Variants in AKAP9 observed in about 807,000 individuals in gnomAD.
AKAP9 encodes A-kinase anchor protein 9.
Under a neutral mutation model 488.5 loss-of-function variants are expected in AKAP9, and 311 were observed. The ratio of observed to expected loss-of-function variants is 0.64; its 90% confidence interval spans 0.58 to 0.70. The LOEUF is 0.70. Ranked by LOEUF, AKAP9 falls within the 30% of genes least tolerant of loss-of-function variation. The pLI is 0.00. For missense variants in AKAP9, 4,215 were observed against 4,374.5 expected, an observed-to-expected ratio of 0.96 and a Z score of 1.03; for synonymous variants, 1,462 against 1,483.5, an observed-to-expected ratio of 0.99 and a Z score of 0.33.
intron 12 of AKAP9, among the ~76,000 whole-genome samples, chr7:92,019,937 C>T (rs1423396394): frequency 1.3e-5 from 2 of 151,812 alleles, no homozygotes; most frequent in African/African-American, 4.8e-5. Flanking sequence ...TTGCTTGAAC[C>T]CAGAAGGTGG....
At chr7:92,059,542 T>C (rs1283262979) in intron 22 of AKAP9, among the ~76,000 whole-genome samples, 2 of 151,858 alleles carry the variant, frequency 1.3e-5, no homozygotes, top group Admixed American at 6.6e-5. Flanking sequence ...AAGTAGAACA[T>C]AGAAGCAAAG....
chr7:92,039,786 C>T (rs1389466794), intron 17 of AKAP9, among the ~76,000 whole-genome samples: 1 of 152,014 alleles, frequency 6.6e-6, no homozygotes, highest in African/African-American at 2.4e-5. Context: ...ACCAGCTTAG[C>T]CAACATGGTA....
At position 92,079,965 on chromosome 7, in the gene AKAP9, T is replaced by G; in HGVS notation, c.7832T>G (p.Leu2611Ter). The change falls in exon 31 of 50, where the codon TTA (leucine) becomes TGA (stop). Residue 2611 changes from leucine (L) to a stop codon, truncating the protein, a stop_gained. Transcript: ENST00000356239. LOFTEE classifies it high-confidence loss of function. ...GCATTAACCTTGAGAATATCAGAAT[T>G]AGAAAGCCAGGTTGTTGAAATGCAT... ...ISALTLRISE[L>*]ESQVVEMHTS... The G allele has an allele frequency of 6.3e-7, 1 of 1,586,974 alleles. No individual in the cohort carries two copies. The highest frequency in any genetic ancestry group is 8.5e-7 in the Non-Finnish European group (1 of 1,170,518).
chr7:91,957,974 A>G (rs552482755), intron 1 of AKAP9, among the ~76,000 whole-genome samples: 2 of 152,186 alleles, frequency 1.3e-5, no homozygotes, highest in South Asian at 2.1e-4. Context: ...ATATGCAGAG[A>G]TTATGATCCC....
intron 6 of AKAP9, among the ~76,000 whole-genome samples, chr7:91,995,276 C>A (rs573241332): frequency 2.5e-4 from 38 of 152,162 alleles, no homozygotes; most frequent in Non-Finnish European, 4.9e-4. Flanking sequence ...AACCCAAGGG[C>A]AGAAATACAA....
intron 1 of AKAP9, among the ~76,000 whole-genome samples, chr7:91,963,587 G>A (rs540544443): frequency 5.4e-4 from 81 of 150,836 alleles, no homozygotes; most frequent in Non-Finnish European, 1.0e-3. Context: ...GCATGATCTC[G>A]GCTCACTGCA....
At chr7:91,944,137 G>C (rs1791127906) in intron 1 of AKAP9, among the ~76,000 whole-genome samples, 1 of 151,988 alleles carries the variant, frequency 6.6e-6, no homozygotes, top group South Asian at 2.1e-4. Flanking sequence ...ATTATGATAT[G>C]TAAAATAATT....
rs184132850 is a variant in AKAP9, at chr7:92,084,701, G to A, written c.8708G>A (p.Ser2903Asn). The A allele has an allele frequency of 2.5e-6, 4 of 1,610,116 alleles. No homozygotes were observed. The African/African-American group carries it at 5.3e-5, about 22-fold the overall frequency. Residue 2903 changes from serine to asparagine, a missense_variant and splice_region_variant, in exon 34 of 50, where the codon AGT becomes AAT. By Grantham distance (46) the Ser-to-Asn change is conservative. Around this residue, in one of 5 missense-constraint regions of AKAP9, gnomAD observed 1,476 missense variants for 1,477.4 expected, o/e 1.00. Coordinates refer to ENST00000356239, the MANE Select transcript of AKAP9 (RefSeq NM_005751.5). The stretch of plus-strand genomic sequence containing the variant: ...TACCAGACTAGAGAAATATGCTCCA[G>A]TGGTAAGTTATATAAATATTTGTAA... ...DAYQTREICS[S>N]DSGSDWGQGI...
At chr7:92,095,309 C>T (rs1294001597) in intron 40 of AKAP9, 136 bp downstream of exon 40, 3 of 946,662 alleles carry the variant, frequency 3.2e-6, no homozygotes, top group African/African-American at 1.7e-5. Flanking sequence ...GCATTGAATA[C>T]TACATAAACC....
rs1237863845 is a variant in AKAP9, at chr7:92,100,931, G to A, written c.10972G>A (p.Glu3658Lys). ...CTCTGAAAAAGAAGTATGGAACAGA[G>A]AAAAATTGACTCTCCAGAAATCTTT... is the stretch of plus-strand genomic sequence containing the variant. ...IASEKEVWNR[E>K]KLTLQKSLKR... is the part of the protein sequence containing the mutation. Residue 3658 changes from glutamate to lysine, a missense_variant, in exon 45 of 50, where the codon GAA (glutamate) becomes AAA (lysine). By Grantham distance (56) the Glu-to-Lys change is moderately conservative. Transcript: ENST00000356239. The A allele has an allele frequency of 6.2e-7, 1 of 1,614,002 alleles. No homozygotes were observed. Among genetic ancestry groups the A allele is most frequent in the East Asian group, 2.2e-5 (1 of 44,888 alleles).
chr7:91,982,924 T>C (rs1796613437), intron 3 of AKAP9, among the ~76,000 whole-genome samples: 1 of 152,212 alleles, frequency 6.6e-6, no homozygotes, highest in Non-Finnish European at 1.5e-5. Flanking sequence ...TTGATTTGCA[T>C]TTCTCTGATG....
chr7:91,982,651 T>G (rs1327485307), intron 3 of AKAP9, among the ~76,000 whole-genome samples: 1 of 152,234 alleles, frequency 6.6e-6, no homozygotes, highest in Non-Finnish European at 1.5e-5. Context: ...ACGATAAACA[T>G]ACGTGTGCAT....
At chr7:92,089,604 A>G (rs1473708628) in intron 38 of AKAP9, 75 bp downstream of exon 38, 2 of 1,450,246 alleles carry the variant, frequency 1.4e-6, no homozygotes, top group Non-Finnish European at 1.9e-6. Flanking sequence ...TCTTATTATT[A>G]TTAAGTTAAA....
At chr7:92,098,060 C>T (rs924669752) in intron 42 of AKAP9, 49 bp from the exon 43 acceptor site, 2 of 1,246,448 alleles carry the variant, frequency 1.6e-6, no homozygotes, top group African/African-American at 1.5e-5. Context: ...TGGTAGTAAA[C>T]ACCCCCAATT....
intron 8 of AKAP9, among the ~76,000 whole-genome samples, chr7:92,007,044 TA>T (rs956137744): frequency 2.0e-5 from 3 of 151,752 alleles, no homozygotes; most frequent in Admixed American, 2.0e-4. Context: ...AATTCATGAA[TA>T]AAAGGGGGGG....
chr7:92,034,498 ATTTTTTTT>A (rs59961119), intron 16 of AKAP9, among the ~76,000 whole-genome samples: 2 of 95,456 alleles, frequency 2.1e-5, no homozygotes, highest in Admixed American at 1.3e-4. Flanking sequence ...ATATATATAT[ATTTTTTTT>A]TTTTTTTTTT....
chr7:91,974,555 T>G (rs1346653443), intron 2 of AKAP9, among the ~76,000 whole-genome samples: 1 of 152,186 alleles, frequency 6.6e-6, no homozygotes, highest in Non-Finnish European at 1.5e-5. Context: ...TCTTCCAACT[T>G]TCTTCTCTTT....
chr7:92,089,360 TG>T, intron 37 of AKAP9, 24 bp from the exon 38 acceptor site: 11 of 1,610,992 alleles, frequency 6.8e-6, no homozygotes, highest in Non-Finnish European at 9.3e-6. Flanking sequence ...GCTCTTCACT[TG>T]TTTTTTACCT....
At position 92,080,172 on chromosome 7, in the gene AKAP9, A is replaced by C; in HGVS notation, c.8019+20A>C. On this transcript the variant is annotated intron_variant, in intron 31 of 49. Transcript: ENST00000356239. ...CTCAAGGTTAGTTTTGTATTTTATT[A>C]GTTTCATTTAAATACCCCAAGAAAC... 1.3e-6 allele frequency: 2 copies of C among 1,527,498 alleles called. No homozygotes were observed. The highest frequency in any genetic ancestry group is 1.8e-6 in the Non-Finnish European group (2 of 1,135,630). The allele number at this position is 1,527,498 out of a possible 1,614,324, so 94.6% of individuals were successfully genotyped here. A position where few individuals can be genotyped will look rare whatever the true frequency, so the allele number is the denominator to read the frequency against.
Sources: gnomAD v4.1 joint callset for allele counts (sites outside exome capture counted in the v4.1 genomes callset) on GRCh38, gnomAD v4.1.1 for gene constraint, gnomAD v4.1.1 regional missense constraint, MANE v1.5 for transcripts, NCBI Gene and HGNC (gene_info 2026-07-23, HGNC 2026-07-21) for gene names.